Variants in WASF2 observed in about 807,000 individuals in gnomAD.
The protein encoded by WASF2 is WASP family member 2.
Under a neutral mutation model 45.0 loss-of-function variants are expected in WASF2, and 14 were observed. The ratio of observed to expected loss-of-function variants is 0.31; its 90% CI spans 0.21 to 0.49. WASF2 has a LOEUF of 0.49. Among genes scored for constraint, WASF2 ranks in the 20% least tolerant of loss-of-function variants. The probability of loss-of-function intolerance (pLI) is 0.99; values close to 1 mark genes in which losing one functional copy is unlikely to be tolerated. For synonymous variants in WASF2, 200 were observed against 236.3 expected (o/e 0.85, Z 1.41); for missense variants, 439 against 636.1 (o/e 0.69, Z 3.33).
intron 2 of WASF2, among the ~76,000 whole-genome samples, chr1:27,428,269 C>T (rs757708840): frequency 1.4e-4 from 22 of 152,268 alleles, no homozygotes; most frequent in African/African-American, 5.3e-4. Flanking sequence ...AGAATCTCTC[C>T]GAAGGCATGT....
intron 7 of WASF2, among the ~76,000 whole-genome samples, chr1:27,411,064 A>G (rs1317092885): frequency 6.6e-6 from 1 of 152,242 alleles, no homozygotes; most frequent in African/African-American, 2.4e-5. Flanking sequence ...CAGGGCCACC[A>G]GCAGGAAGTG....
chr1:27,427,149 A>G (rs1018478214), intron 2 of WASF2, among the ~76,000 whole-genome samples: 1 of 152,202 alleles, frequency 6.6e-6, no homozygotes, highest in African/African-American at 2.4e-5. Flanking sequence ...TTGGATGAAT[A>G]AAGGATCAGT....
At chr1:27,446,678 G>C (rs960087667) in intron 1 of WASF2, among the ~76,000 whole-genome samples, 1 of 151,774 alleles carries the variant, frequency 6.6e-6, no homozygotes, top group Non-Finnish European at 1.5e-5. Context: ...CTACTCAAGA[G>C]GCTGAGGTGG....
intron 1 of WASF2, among the ~76,000 whole-genome samples, chr1:27,455,647 GTC>G (rs2017456941): frequency 1.3e-5 from 2 of 152,108 alleles, no homozygotes; most frequent in Non-Finnish European, 2.9e-5. Context: ...GCACTCCAAT[GTC>G]TCTGTGATTT....
At chr1:27,417,636 C>T (rs1460912599) in intron 4 of WASF2, among the ~76,000 whole-genome samples, 1 of 152,218 alleles carries the variant, frequency 6.6e-6, no homozygotes, top group South Asian at 2.1e-4. Context: ...TACCAAACCA[C>T]TAGAGGAGAG....
At chr1:27,485,964 C>A (rs1030205705) in intron 1 of WASF2, among the ~76,000 whole-genome samples, 2 of 152,240 alleles carry the variant, frequency 1.3e-5, no homozygotes, top group African/African-American at 4.8e-5. Flanking sequence ...CCCGCCTCGG[C>A]CTCCCAGAGT....
intron 1 of WASF2, among the ~76,000 whole-genome samples, chr1:27,471,653 A>G (rs2017690889): frequency 6.6e-6 from 1 of 152,136 alleles, no homozygotes; most frequent in South Asian, 2.1e-4. Flanking sequence ...CAAAGAGTAG[A>G]TGACCTCTCA....
Position 27,477,922 on chromosome 1 carries a change from A to AT in WASF2, c.-44+12063_-44+12064insA, listed in dbSNP as rs1268087395. Among the ~76,000 whole-genome samples, 13 of 147,320 alleles carry AT rather than the reference A, an allele frequency of 8.8e-5. 4 individuals are homozygous for AT. Among genetic ancestry groups the AT allele is most frequent in the East Asian group, 4.0e-4 (2 of 5,010 alleles). ...TCAAAAAAAAAAAATAAATAAATAAAAAAAAAAATAAAAATAAATAAATCT... is the reference window on the plus strand; with the variant it reads ...TCAAAAAAAAAAAATAAATAAATAAATAAAAAAAATAAAAATAAATAAATCT... On this transcript the variant is annotated intron_variant, in intron 1 of 8. Transcript: ENST00000618852.
At chr1:27,411,144 G>A (rs747840294) in intron 7 of WASF2, among the ~76,000 whole-genome samples, 1 of 152,140 alleles carries the variant, frequency 6.6e-6, no homozygotes, top group Non-Finnish European at 1.5e-5. Context: ...GAGAGAAGGA[G>A]GACAGCACAG....
intron 1 of WASF2, among the ~76,000 whole-genome samples, chr1:27,437,379 A>T (rs1184281208): frequency 6.6e-6 from 1 of 152,224 alleles, no homozygotes; most frequent in Non-Finnish European, 1.5e-5. Flanking sequence ...AATCGGGGAT[A>T]AAATTTCAAT....
chr1:27,416,531 G>A (rs755376563), intron 4 of WASF2, among the ~76,000 whole-genome samples: 23 of 152,152 alleles, frequency 1.5e-4, no homozygotes, highest in African/African-American at 4.1e-4. Context: ...CCCACCCACT[G>A]GAAACCTGTG....
At chr1:27,471,938 T>G (rs931092670) in intron 1 of WASF2, among the ~76,000 whole-genome samples, 3 of 152,224 alleles carry the variant, frequency 2.0e-5, no homozygotes, top group Non-Finnish European at 4.4e-5. Flanking sequence ...CAAACTTTCA[T>G]CACTGCCTAG....
intron 1 of WASF2, among the ~76,000 whole-genome samples, chr1:27,462,771 A>G (rs1195423799): frequency 6.6e-6 from 1 of 152,242 alleles, no homozygotes; most frequent in African/African-American, 2.4e-5. Flanking sequence ...AAGAGTAAAT[A>G]TAATAAGGAA....
At chr1:27,466,898 C>T (rs546943768) in intron 1 of WASF2, among the ~76,000 whole-genome samples, 4 of 152,114 alleles carry the variant, frequency 2.6e-5, no homozygotes, top group African/African-American at 9.6e-5. Flanking sequence ...GATTATATGT[C>T]ATTATATTAA....
chr1:27,456,019 T>C (rs966706252), intron 1 of WASF2, among the ~76,000 whole-genome samples: 15 of 151,924 alleles, frequency 9.9e-5, no homozygotes, highest in African/African-American at 3.6e-4. Context: ...GGGAAACAAA[T>C]CTCTAAACAG....
rs1571117426 is a variant in WASF2, at chr1:27,409,958, T to G, written c.1073A>C (p.His358Pro). 6.2e-7 allele frequency: 1 copy of G among 1,601,496 alleles called. No homozygotes were observed. The highest frequency in any genetic ancestry group is 1.1e-5 in the South Asian group (1 of 89,862). The change falls in exon 8 of 9, where the codon CAC (histidine) becomes CCC (proline). Residue 358 changes from histidine (H) to proline (P), a missense_variant. Physicochemically the swap from His to Pro is moderately conservative, Grantham distance 77. Around this residue, in one of 5 missense-constraint regions of WASF2, gnomAD observed 286 missense variants for 373.5 expected, o/e 0.77. Transcript: ENST00000618852. ...PPPSPPSFPP[H>P]PDFAAPPPPP... ...AGGTGGAGGGGCAGCAAAATCAGGG[T>G]GAGGTGGGAAAGATGGGGGTGAGGG...
intron 1 of WASF2, among the ~76,000 whole-genome samples, chr1:27,472,596 TGCACTCCA>T (rs201591461): frequency 0.022 from 3,060 of 136,918 alleles, 115 homozygotes; most frequent in African/African-American, 0.081. Context: ...ATTTCACGAC[TGCACTCCA>T]GCACTCCAGC....
intron 1 of WASF2, among the ~76,000 whole-genome samples, chr1:27,462,776 A>C (rs573591454): frequency 6.6e-6 from 1 of 152,304 alleles, no homozygotes; most frequent in East Asian, 1.9e-4. Flanking sequence ...TAAATATAAT[A>C]AGGAATTTAG....
At chr1:27,480,422 C>G (rs1002457113) in intron 1 of WASF2, among the ~76,000 whole-genome samples, 1 of 151,634 alleles carries the variant, frequency 6.6e-6, no homozygotes, top group Non-Finnish European at 1.5e-5. Context: ...GAGGCTAAGG[C>G]ACAAGAATCG....
Sources: gnomAD v4.1 joint callset for allele counts (sites outside exome capture counted in the v4.1 genomes callset) on GRCh38, gnomAD v4.1.1 for gene constraint, gnomAD v4.1.1 regional missense constraint, MANE v1.5 for transcripts, NCBI Gene and HGNC (gene_info 2026-07-23, HGNC 2026-07-21) for gene names.